The following ESRRG variants were observed in gnomAD, a reference collection of about 807,000 sequenced individuals.
ESRRG encodes the protein estrogen-related receptor gamma.
ESRRG carries 13 observed loss-of-function variants against 44.0 expected under a neutral mutation model. The ratio of observed to expected loss-of-function variants is 0.30; its 90% confidence interval spans 0.19 to 0.47. ESRRG has a LOEUF of 0.47. ESRRG is among the 20% of genes least tolerant of loss of function. ESRRG has a pLI of 1.00. For missense variants in ESRRG, 395 were observed against 580.6 expected (o/e 0.68, Z 3.29); for synonymous variants, 215 against 214.6 (o/e 1.00, Z -0.02).
intron 1 of ESRRG, among the ~76,000 whole-genome samples, chr1:217,054,292 TG>T (rs954195357): frequency 2.6e-5 from 4 of 152,142 alleles, no homozygotes; most frequent in Admixed American, 6.6e-5. Context: ...AAGGTCATAC[TG>T]GGGGGGAGCA....
At chr1:216,779,491 T>TAA (rs2093820907) in intron 2 of ESRRG, among the ~76,000 whole-genome samples, 1 of 3,714 alleles carries the variant, frequency 2.7e-4, no homozygotes, top group Non-Finnish European at 4.4e-4. Context: ...TATAAATATA[T>TAA]ATTTATATAT....
chr1:217,060,848 G>A (rs1490143088), intron 1 of ESRRG, among the ~76,000 whole-genome samples: 1 of 94,710 alleles, frequency 1.1e-5, no homozygotes, highest in Admixed American at 1.1e-4. Flanking sequence ...GGGAATAAAT[G>A]CCTCTGAGAA....
At chr1:216,666,281 A>G (rs1484654476) in intron 2 of ESRRG, among the ~76,000 whole-genome samples, 1 of 152,250 alleles carries the variant, frequency 6.6e-6, no homozygotes, top group Non-Finnish European at 1.5e-5. Flanking sequence ...TTTAGAGTGA[A>G]CATTCTAATA....
At chr1:216,658,420 A>G (rs2151172707) in intron 2 of ESRRG, among the ~76,000 whole-genome samples, 1 of 152,196 alleles carries the variant, frequency 6.6e-6, no homozygotes, top group East Asian at 1.9e-4. Flanking sequence ...GTGCATGTTC[A>G]TTTTAGGACA....
At chr1:216,577,652 G>T (rs1453537303) in intron 3 of ESRRG, among the ~76,000 whole-genome samples, 1 of 152,006 alleles carries the variant, frequency 6.6e-6, no homozygotes. Flanking sequence ...AACCAAGCAG[G>T]TTTACAAGTT....
chr1:217,032,470 C>T (rs953312118), intron 1 of ESRRG, among the ~76,000 whole-genome samples: 1 of 152,096 alleles, frequency 6.6e-6, no homozygotes, highest in African/African-American at 2.4e-5. Flanking sequence ...GATGACTAGA[C>T]AACAATTGTC....
At chr1:217,125,301 A>T (rs912392607) in intron 1 of ESRRG, among the ~76,000 whole-genome samples, 73 of 152,326 alleles carry the variant, frequency 4.8e-4, no homozygotes, top group Middle Eastern at 3.4e-3. Flanking sequence ...TGTACGAAGG[A>T]TGCTGTGATA....
intron 1 of ESRRG, among the ~76,000 whole-genome samples, chr1:216,692,889 T>C (rs1292834905): frequency 2.0e-5 from 3 of 152,204 alleles, no homozygotes; most frequent in African/African-American, 7.2e-5. Flanking sequence ...AGCCTAGGTG[T>C]GTAGGGGGCT....
intron 2 of ESRRG, among the ~76,000 whole-genome samples, chr1:216,662,245 G>T (rs538994273): frequency 2.6e-5 from 4 of 152,266 alleles, no homozygotes; most frequent in African/African-American, 9.6e-5. Context: ...GCTAGCCAGA[G>T]AATTTCTTCT....
intron 2 of ESRRG, among the ~76,000 whole-genome samples, chr1:216,801,009 A>G (rs1349523204): frequency 6.6e-6 from 1 of 152,142 alleles, no homozygotes; most frequent in Non-Finnish European, 1.5e-5. Flanking sequence ...GTGTATTTTT[A>G]AGGCATACAA....
Position 216,686,023 on chromosome 1 carries a change from A to C in ESRRG, c.57-8532T>G, listed in dbSNP as rs1035969781. The C allele has an allele frequency of 2.0e-5, 3 of 152,226 alleles. 1 individual carries two copies. The South Asian group carries it at 6.2e-4, about 32-fold the overall frequency. The allele number at this position is 152,226 out of a possible 1,614,324, so 9.4% of individuals were successfully genotyped here. Reference sequence around the variant, plus strand: ...TGTGTTAGATGGAGATGTGCAGCACAATCAGAGATAATAAACCCCATCTGT... The same window carrying C: ...TGTGTTAGATGGAGATGTGCAGCACCATCAGAGATAATAAACCCCATCTGT... On this transcript the variant is annotated intron_variant, in intron 1 of 6. Transcript: ENST00000408911.
chr1:216,885,613 T>C (rs79081524), intron 2 of ESRRG, among the ~76,000 whole-genome samples: 1 of 152,126 alleles, frequency 6.6e-6, no homozygotes, highest in Non-Finnish European at 1.5e-5. Flanking sequence ...GTTTTTTTTT[T>C]AATGATTTCC....
At chr1:216,974,690 G>C (rs951979117) in intron 1 of ESRRG, among the ~76,000 whole-genome samples, 1 of 152,146 alleles carries the variant, frequency 6.6e-6, no homozygotes. Context: ...TTCTTGAGGA[G>C]TCCAATGACA....
intron 5 of ESRRG, among the ~76,000 whole-genome samples, chr1:216,548,450 G>C (rs1289154755): frequency 6.6e-6 from 1 of 152,066 alleles, no homozygotes; most frequent in Admixed American, 6.6e-5. Context: ...ATGTCCTTCA[G>C]TTCTGCTAAC....
At chr1:216,651,795 T>A (rs2069043896) in intron 2 of ESRRG, among the ~76,000 whole-genome samples, 2 of 152,186 alleles carry the variant, frequency 1.3e-5, no homozygotes, top group Admixed American at 6.5e-5. Context: ...GAACAAAGAA[T>A]AAACTGCTAT....
At chr1:217,043,889 C>T (rs1394030625) in intron 1 of ESRRG, among the ~76,000 whole-genome samples, 2 of 151,874 alleles carry the variant, frequency 1.3e-5, no homozygotes, top group Non-Finnish European at 2.9e-5. Context: ...GCTTCAGTCT[C>T]ATCCCTTCCC....
intron 3 of ESRRG, among the ~76,000 whole-genome samples, chr1:216,610,060 G>A (rs2060423798): frequency 6.6e-6 from 1 of 152,104 alleles, no homozygotes; most frequent in Non-Finnish European, 1.5e-5. Flanking sequence ...ATGGTATTTG[G>A]TACAGAGGCA....
At chr1:216,710,886 A>T (rs922973334) in intron 1 of ESRRG, among the ~76,000 whole-genome samples, 6 of 152,256 alleles carry the variant, frequency 3.9e-5, no homozygotes, top group East Asian at 1.9e-4. Flanking sequence ...ACAGGGGGGA[A>T]ATGCACTACT....
chr1:216,827,964 A>T, intron 2 of ESRRG, among the ~76,000 whole-genome samples: 1 of 152,182 alleles, frequency 6.6e-6, no homozygotes, highest in African/African-American at 2.4e-5. Flanking sequence ...CATACAAGAA[A>T]AATTGTGAAC....
Sources: gnomAD v4.1 joint callset for allele counts (sites outside exome capture counted in the v4.1 genomes callset) on GRCh38, gnomAD v4.1.1 for gene constraint, MANE v1.5 for transcripts, NCBI Gene and HGNC (gene_info 2026-07-23, HGNC 2026-07-21) for gene names.